Variants in LINGO2 observed in about 807,000 individuals in gnomAD.
LINGO2 encodes the protein leucine rich repeat and Ig domain containing 2, also known as leucine-rich repeat and immunoglobulin-like domain-containing nogo receptor-interacting protein 2.
A neutral mutation model predicts 30.6 loss-of-function variants in LINGO2; 14 were observed. That is an observed-to-expected ratio of 0.46 (90% CI 0.30 to 0.72). The LOEUF (loss-of-function observed/expected upper bound fraction) is 0.72. Among genes scored for constraint, LINGO2 ranks in the 30% least tolerant of loss-of-function variants. LINGO2 has a pLI of 0.07. For synonymous variants in LINGO2, 317 were observed against 288.5 expected, an observed-to-expected ratio of 1.10 and a Z score of -1.00; for missense variants, 729 against 751.7, an observed-to-expected ratio of 0.97 and a Z score of 0.35.
chr9:28,707,123 C>A, the LINGO2 span, among the ~76,000 whole-genome samples: 131 of 152,138 alleles, frequency 8.6e-4, 1 homozygote, highest in Admixed American at 2.6e-3. Flanking sequence ...ACCGCTTTTG[C>A]TCACAACTGT....
At chr9:28,676,371 A>C in the LINGO2 span, among the ~76,000 whole-genome samples, 10 of 152,054 alleles carry the variant, frequency 6.6e-5, no homozygotes, top group African/African-American at 2.4e-4. Flanking sequence ...AAAAACAAAC[A>C]TTTTTCCAAC....
At chr9:28,137,662 A>AT (rs1191817736) in intron 4 of LINGO2, among the ~76,000 whole-genome samples, 3 of 152,114 alleles carry the variant, frequency 2.0e-5, no homozygotes, top group Non-Finnish European at 4.4e-5. Flanking sequence ...GATAGAAAAG[A>AT]TTTTTTCTGA....
upstream of LINGO2, among the ~76,000 whole-genome samples, chr9:28,671,017 A>G (rs1344657879): frequency 6.6e-6 from 1 of 152,178 alleles, no homozygotes; most frequent in Non-Finnish European, 1.5e-5. Flanking sequence ...CTACTTGATA[A>G]AAGAGAATTA....
chr9:29,111,004 A>T, the LINGO2 span, among the ~76,000 whole-genome samples: 1 of 115,910 alleles, frequency 8.6e-6, no homozygotes, highest in Non-Finnish European at 1.7e-5. Flanking sequence ...GTTAGTTTTT[A>T]AAAAATAAGT....
the LINGO2 span, among the ~76,000 whole-genome samples, chr9:28,724,929 T>C: frequency 1.3e-5 from 2 of 151,998 alleles, no homozygotes; most frequent in Non-Finnish European, 2.9e-5. Flanking sequence ...TAGAAATGGG[T>C]TCCAAAGACA....
intron 4 of LINGO2, among the ~76,000 whole-genome samples, chr9:28,041,240 AC>A (rs1408438728): frequency 5.3e-5 from 8 of 152,186 alleles, no homozygotes; most frequent in Admixed American, 5.2e-4. Context: ...AGAGGTCAGC[AC>A]AGGTTCATAC....
the LINGO2 span, among the ~76,000 whole-genome samples, chr9:28,886,549 T>G: frequency 6.6e-6 from 1 of 152,138 alleles, no homozygotes; most frequent in African/African-American, 2.4e-5. Context: ...GGCCACTGGA[T>G]TTTTGCACAA....
At chr9:28,928,469 A>C in the LINGO2 span, among the ~76,000 whole-genome samples, 3 of 151,876 alleles carry the variant, frequency 2.0e-5, no homozygotes, top group African/African-American at 7.3e-5. Context: ...AGGTCCACTT[A>C]TATGTGTTTT....
At chr9:28,632,814 T>TATATATA (rs372700884) in intron 1 of LINGO2, among the ~76,000 whole-genome samples, 1,673 of 75,500 alleles carry the variant, frequency 0.022, 35 homozygotes, top group African/African-American at 0.062. Flanking sequence ...ATAGATGATC[T>TATATATA]ATATATATTA....
At chr9:28,766,115 G>T in the LINGO2 span, among the ~76,000 whole-genome samples, 3 of 151,980 alleles carry the variant, frequency 2.0e-5, no homozygotes, top group Non-Finnish European at 4.4e-5. Flanking sequence ...AAACTAAAAA[G>T]CTTTTGCACA....
At chr9:28,079,127 G>C (rs1825705222) in intron 4 of LINGO2, among the ~76,000 whole-genome samples, 1 of 150,406 alleles carries the variant, frequency 6.6e-6, no homozygotes, top group Admixed American at 6.6e-5. Flanking sequence ...CAAGAAACTT[G>C]AAATACTACT....
At chr9:28,295,903 A>G (rs994679902) in intron 3 of LINGO2, among the ~76,000 whole-genome samples, 13 of 152,262 alleles carry the variant, frequency 8.5e-5, no homozygotes, top group African/African-American at 2.6e-4. Context: ...GTGAGAAACA[A>G]CTTTGAGGGA....
At chr9:28,233,048 ATATATATATATATT>A in intron 4 of LINGO2, among the ~76,000 whole-genome samples, 1 of 120,038 alleles carries the variant, frequency 8.3e-6, no homozygotes, top group Non-Finnish European at 1.7e-5. Flanking sequence ...ATATATATAT[ATATATATATATATT>A]AGATATATAA....
At chr9:28,981,109 A>G in the LINGO2 span, among the ~76,000 whole-genome samples, 557 of 152,250 alleles carry the variant, frequency 3.7e-3, 2 homozygotes, top group African/African-American at 0.013. Flanking sequence ...TAAAGGAGAT[A>G]TTATTTTGAG....
chr9:29,000,716 T>C, the LINGO2 span, among the ~76,000 whole-genome samples: 47 of 152,052 alleles, frequency 3.1e-4, no homozygotes, highest in African/African-American at 1.1e-3. Flanking sequence ...TTAAAAAAAA[T>C]TATCTCTACA....
the LINGO2 span, among the ~76,000 whole-genome samples, chr9:29,129,917 C>A: frequency 3.3e-5 from 5 of 152,074 alleles, no homozygotes; most frequent in South Asian, 1.0e-3. Flanking sequence ...TCAGAAAGTC[C>A]AAGCATGTTG....
chr9:29,175,123 G>A, the LINGO2 span, among the ~76,000 whole-genome samples: 2 of 152,120 alleles, frequency 1.3e-5, no homozygotes, highest in Non-Finnish European at 2.9e-5. Context: ...GCTGGGTGTG[G>A]TGGTGCATGC....
intron 4 of LINGO2, among the ~76,000 whole-genome samples, chr9:28,041,789 T>C (rs987486376): frequency 5.9e-5 from 9 of 152,188 alleles, no homozygotes; most frequent in Non-Finnish European, 1.2e-4. Context: ...CATGACACCT[T>C]ACCCTACAAC....
intron 4 of LINGO2, among the ~76,000 whole-genome samples, chr9:28,172,198 C>T (rs10119362): frequency 0.27 from 39,809 of 149,018 alleles, 5,434 homozygotes; most frequent in African/African-American, 0.32. Context: ...GAGACCATCC[C>T]GGCTAAAACG....
Sources: gnomAD v4.1 joint callset for allele counts (sites outside exome capture counted in the v4.1 genomes callset) on GRCh38, gnomAD v4.1.1 for gene constraint, MANE v1.5 for transcripts, NCBI Gene and HGNC (gene_info 2026-07-23, HGNC 2026-07-21) for gene names.